Variants in CSMD3 observed in about 807,000 individuals in gnomAD.
CSMD3 encodes the protein CUB and sushi domain-containing protein 3.
Under a neutral mutation model 435.2 loss-of-function variants are expected in CSMD3, and 177 were observed. That is an observed-to-expected ratio of 0.41 (90% CI 0.36 to 0.46). The LOEUF is 0.46. Ranked by LOEUF, CSMD3 falls within the 20% of genes least tolerant of loss-of-function variation. CSMD3 has a pLI of 0.34. For synonymous variants in CSMD3, 1,656 were observed against 1,520.5 expected (o/e 1.09, Z -2.07); for missense variants, 4,265 against 4,504.6 (o/e 0.95, Z 1.52).
chr8:113,179,285 G>A (rs957147978), intron 3 of CSMD3, among the ~76,000 whole-genome samples: 1 of 151,590 alleles, frequency 6.6e-6, no homozygotes, highest in African/African-American at 2.4e-5. Flanking sequence ...TCAATAAATT[G>A]CAGTTTTATT....
chr8:113,300,917 C>T lies in CSMD3; in HGVS notation c.401+13654G>A, dbSNP rs79403102. Among the ~76,000 whole-genome samples, 36 of 152,118 alleles carry T rather than the reference C, an allele frequency of 2.4e-4. No individual in the cohort carries two copies. In the East Asian group the frequency reaches 6.8e-3, roughly 29 times the overall value. Reference sequence around the variant, plus strand: ...AGTTAAAATGAGTGAAAATGAACTACAGCAATATGCCACAGCATGGATAAC... The same window carrying T: ...AGTTAAAATGAGTGAAAATGAACTATAGCAATATGCCACAGCATGGATAAC... On this transcript the variant is annotated intron_variant, in intron 2 of 70. Transcript: ENST00000297405.
intron 35 of CSMD3, among the ~76,000 whole-genome samples, chr8:112,399,316 A>C (rs915021293): frequency 6.6e-6 from 1 of 150,702 alleles, no homozygotes; most frequent in Non-Finnish European, 1.5e-5. Context: ...GCTGGAGTGC[A>C]ATGGTGTATT....
In CSMD3 at chr8:112,442,757, C is replaced by T. The variant is rs118132750; in HGVS notation, c.5395+29834G>A. Among the ~76,000 whole-genome samples the T allele has an allele frequency of 2.1e-3, 317 of 152,246 alleles. 9 individuals are homozygous for T. In the East Asian group the frequency reaches 0.054, roughly 26 times the overall value. On this transcript the variant is annotated intron_variant, in intron 32 of 70. Coordinates refer to ENST00000297405, the MANE Select transcript of CSMD3 (RefSeq NM_198123.2). ...GAGCAGAAATGATTGGTAAAACTTC[C>T]GTGTCCCATTCTTAAAAGAAAAGGA...
At chr8:112,676,245 G>C (rs1266584705) in intron 16 of CSMD3, among the ~76,000 whole-genome samples, 1 of 152,018 alleles carries the variant, frequency 6.6e-6, no homozygotes, top group African/African-American at 2.4e-5. Context: ...AGAGACAGCG[G>C]CATGTAGATA....
At chr8:112,968,659 A>C (rs1426221879) in intron 7 of CSMD3, among the ~76,000 whole-genome samples, 1 of 151,898 alleles carries the variant, frequency 6.6e-6, no homozygotes, top group Middle Eastern at 3.2e-3. Context: ...TTCTGTGGTA[A>C]TTCTTTCTCT....
chr8:113,190,155 T>C (rs2092563729), intron 3 of CSMD3, among the ~76,000 whole-genome samples: 1 of 151,764 alleles, frequency 6.6e-6, no homozygotes, highest in East Asian at 1.9e-4. Flanking sequence ...TATCTAATGT[T>C]CACTTATTTA....
chr8:112,319,386 A>T (rs1822777272), intron 46 of CSMD3, among the ~76,000 whole-genome samples: 1 of 152,120 alleles, frequency 6.6e-6, no homozygotes, highest in South Asian at 2.1e-4. Context: ...CAACATTAAG[A>T]TGTCTTCGTA....
intron 51 of CSMD3, among the ~76,000 whole-genome samples, chr8:112,305,134 T>A (rs1166154262): frequency 1.3e-5 from 2 of 152,170 alleles, no homozygotes; most frequent in East Asian, 3.9e-4. Flanking sequence ...CACAATTCAA[T>A]CTTGTACTTA....
chr8:113,263,760 T>C (rs1371101633), intron 3 of CSMD3, among the ~76,000 whole-genome samples: 1 of 151,882 alleles, frequency 6.6e-6, no homozygotes, highest in Non-Finnish European at 1.5e-5. Flanking sequence ...TGATACTGTG[T>C]AAGAAATTTC....
chr8:112,527,898 T>TA (rs1230169799), intron 27 of CSMD3, among the ~76,000 whole-genome samples: 1 of 152,158 alleles, frequency 6.6e-6, no homozygotes, highest in Non-Finnish European at 1.5e-5. Flanking sequence ...TTTATTCAAC[T>TA]ATTTGTGAAG....
chr8:112,509,118 A>T lies in CSMD3; in HGVS notation c.4757-2289T>A, dbSNP rs1822834656. Reference sequence around the variant, plus strand: ...TTTTTTTTTTTCGATACAGGGTCTCACTCTGTGGCCCAGGCTGCTGGAGTG... The same window carrying T: ...TTTTTTTTTTTCGATACAGGGTCTCTCTCTGTGGCCCAGGCTGCTGGAGTG... On this transcript the variant is annotated intron_variant, in intron 28 of 70. Coordinates refer to ENST00000297405, the MANE Select transcript of CSMD3 (RefSeq NM_198123.2). Among the ~76,000 whole-genome samples the T allele has an allele frequency of 2.1e-5, 3 of 141,672 alleles. No homozygotes were observed. The Admixed American group carries it at 2.2e-4, about 10-fold the overall frequency. The allele number at this position is 141,672 out of a possible 152,430, so 92.9% of individuals were successfully genotyped here. A position where few individuals can be genotyped will look rare whatever the true frequency, so the allele number is the denominator to read the frequency against.
intron 40 of CSMD3, among the ~76,000 whole-genome samples, chr8:112,348,631 T>C (rs1825877307): frequency 6.6e-6 from 1 of 152,036 alleles, no homozygotes; most frequent in Admixed American, 6.6e-5. Flanking sequence ...GTGCGGTGGT[T>C]CATGCCTGTA....
chr8:112,295,940 C>G lies in CSMD3; in HGVS notation c.8507G>C (p.Arg2836Thr), dbSNP rs1175206026. The change falls in exon 54 of 71, where the codon AGA (arginine) becomes ACA (threonine). Residue 2836 changes from arginine to threonine, a missense_variant. Arg to Thr is a moderately conservative substitution (Grantham distance 71). Coordinates refer to ENST00000297405, the MANE Select transcript of CSMD3 (RefSeq NM_198123.2). ...GQVIGENYGY[R>T]DTVVYQCNPG... is the part of the protein sequence containing the mutation. ...ATTACATTGATATACAACTGTGTCT[C>G]TATATCCATAATTTTCTCCAATGAC... The G allele has an allele frequency of 6.2e-7, 1 of 1,612,512 alleles. No homozygotes were observed. Among genetic ancestry groups the G allele is most frequent in the African/African-American group, 1.3e-5 (1 of 74,880 alleles).
At chr8:112,942,993 G>A in intron 9 of CSMD3, among the ~76,000 whole-genome samples, 1 of 151,744 alleles carries the variant, frequency 6.6e-6, no homozygotes, top group East Asian at 1.9e-4. Context: ...AGCATTTTGT[G>A]TTGTCAGAGC....
intron 1 of CSMD3, among the ~76,000 whole-genome samples, chr8:113,426,715 T>G (rs1289781660): frequency 2.0e-5 from 3 of 151,532 alleles, no homozygotes; most frequent in African/African-American, 7.2e-5. Context: ...AGTGAATTTG[T>G]GATTTTAAAT....
chr8:113,245,555 C>T (rs1197859200), intron 3 of CSMD3, among the ~76,000 whole-genome samples: 2 of 152,036 alleles, frequency 1.3e-5, no homozygotes, highest in Admixed American at 1.3e-4. Context: ...CCCCTTTCTG[C>T]TGTTATTGTA....
At chr8:112,600,851 G>A (rs1832283593) in intron 22 of CSMD3, among the ~76,000 whole-genome samples, 1 of 151,932 alleles carries the variant, frequency 6.6e-6, no homozygotes. Context: ...CTAATTTTAT[G>A]TATTTTTAGT....
At chr8:113,013,644 C>T (rs769889719) in intron 6 of CSMD3, among the ~76,000 whole-genome samples, 9 of 151,954 alleles carry the variant, frequency 5.9e-5, no homozygotes, top group Non-Finnish European at 1.0e-4. Context: ...GGAACCAGGG[C>T]GTTTGGAGGA....
chr8:113,140,959 A>G (rs1205392143), intron 4 of CSMD3, among the ~76,000 whole-genome samples: 2 of 151,032 alleles, frequency 1.3e-5, no homozygotes, highest in East Asian at 3.9e-4. Flanking sequence ...TAAAAAATCA[A>G]TAGCATTGAC....
Sources: gnomAD v4.1 joint callset for allele counts (sites outside exome capture counted in the v4.1 genomes callset) on GRCh38, gnomAD v4.1.1 for gene constraint, MANE v1.5 for transcripts, NCBI Gene and HGNC (gene_info 2026-07-23, HGNC 2026-07-21) for gene names.